Variants in ASS1 observed in about 807,000 individuals in gnomAD.
ASS1 encodes argininosuccinate synthase.
A neutral mutation model predicts 60.5 loss-of-function variants in ASS1; 58 were observed. That is an observed-to-expected ratio of 0.96 (90% CI 0.78 to 1.19). The LOEUF (loss-of-function observed/expected upper bound fraction) is 1.19. ASS1 is among the 50% of genes most tolerant of loss of function. The probability of loss-of-function intolerance (pLI) is 0.00; values close to 1 mark genes in which losing one functional copy is unlikely to be tolerated. For missense variants in ASS1, 454 were observed against 547.3 expected (o/e 0.83, Z 1.70); for synonymous variants, 200 against 206.9 (o/e 0.97, Z 0.29).
chr9:130,457,271 A>G (rs1213699816), intron 3 of ASS1, among the ~76,000 whole-genome samples: 1 of 152,082 alleles, frequency 6.6e-6, no homozygotes, highest in Admixed American at 6.6e-5. Flanking sequence ...GAAGTTTATG[A>G]AGAAAACTGG....
At chr9:130,466,355 G>A (rs1162477872) in intron 5 of ASS1, 2 of 331,542 alleles carry the variant, frequency 6.0e-6, no homozygotes, top group South Asian at 3.0e-5. Flanking sequence ...CAGCTCTGTG[G>A]ACTCTCCCTG....
At chr9:130,481,530 T>G (rs1846175714) in intron 11 of ASS1, among the ~76,000 whole-genome samples, 1 of 152,212 alleles carries the variant, frequency 6.6e-6, no homozygotes, top group Non-Finnish European at 1.5e-5. Flanking sequence ...TCACCCCATG[T>G]GGGCCAGAAG....
rs540416164 is a variant in ASS1, at chr9:130,477,468, C to T, written c.688+507C>T. On this transcript the variant is annotated intron_variant, in intron 9 of 14. Coordinates refer to ENST00000352480, the MANE Select transcript of ASS1 (RefSeq NM_054012.4). The surrounding 1 kb of genome is among the most constrained non-coding windows in gnomAD (Gnocchi z 4.2). ...GTCTTCATTGAGCCGCTCTGGGCCTCACCCTGCTGACCCCACGTTCAAAGC... is the reference window on the plus strand; with the variant it reads ...GTCTTCATTGAGCCGCTCTGGGCCTTACCCTGCTGACCCCACGTTCAAAGC... Among the ~76,000 whole-genome samples, 1 of 152,366 alleles carries T rather than the reference C, an allele frequency of 6.6e-6. No homozygotes were observed. The highest frequency in any genetic ancestry group is 1.9e-4 in the East Asian group (1 of 5,186).
intron 14 of ASS1, among the ~76,000 whole-genome samples, chr9:130,500,520 C>T (rs1846724881): frequency 6.6e-6 from 1 of 152,078 alleles, no homozygotes; most frequent in African/African-American, 2.4e-5. Context: ...ATCATTTTCT[C>T]CCAGAGCCAG....
chr9:130,497,751 A>G (rs1846640026), intron 13 of ASS1, among the ~76,000 whole-genome samples: 1 of 152,180 alleles, frequency 6.6e-6, no homozygotes, highest in South Asian at 2.1e-4. Flanking sequence ...ACAGATGGAC[A>G]CAGAGGTGGG....
chr9:130,474,325 G>A (rs901257411), intron 8 of ASS1, among the ~76,000 whole-genome samples: 3 of 152,096 alleles, frequency 2.0e-5, no homozygotes, highest in African/African-American at 4.8e-5. Flanking sequence ...GCAGAAACTC[G>A]TCCTCCAGTC....
chr9:130,498,835 A>G (rs1398786041), intron 13 of ASS1, among the ~76,000 whole-genome samples: 2 of 152,134 alleles, frequency 1.3e-5, no homozygotes, highest in Non-Finnish European at 2.9e-5. Context: ...AAGGGTGGAG[A>G]GCCCCAAAGC....
At chr9:130,466,343 G>A (rs891990520) in intron 5 of ASS1, 2 of 300,322 alleles carry the variant, frequency 6.7e-6, no homozygotes, top group Non-Finnish European at 1.3e-5. Flanking sequence ...GGCCAGCAGC[G>A]GCAGCTCTGT....
At chr9:130,499,480 T>C (rs1564165407) in intron 13 of ASS1, 25 bp from the exon 14 acceptor site, 1 of 1,611,642 alleles carries the variant, frequency 6.2e-7, no homozygotes, top group Non-Finnish European at 8.5e-7. Flanking sequence ...CAGGCTGAGC[T>C]GACAAGCTTC....
chr9:130,452,070 C>T (rs753503051), intron 1 of ASS1, 154 bp from the exon 2 acceptor site: 15 of 725,498 alleles, frequency 2.1e-5, no homozygotes, highest in South Asian at 7.4e-5. Context: ...GTGGCAGGCA[C>T]TGAAGGTGAA....
In ASS1 at chr9:130,489,409, A is replaced by G; in HGVS notation, c.915A>G (p.Glu305=). 1.2e-6 allele frequency: 2 copies of G among 1,614,096 alleles called. No homozygotes were observed. Among genetic ancestry groups the G allele is most frequent in the Non-Finnish European group, 1.7e-6 (2 of 1,180,022 alleles). ...LDIEAFTMDR[E]VRKIKQGLGL... is the part of the protein sequence containing the mutation. ...TCGAGGCCTTCACCATGGACCGGGA[A>G]GTGCGCAAAATCAAACAAGGCCTGG... The change falls in exon 12 of 15, where the codon GAA becomes GAG. Residue 305 remains glutamate, a synonymous_variant. Coordinates refer to ENST00000352480, the MANE Select transcript of ASS1 (RefSeq NM_054012.4). This position sits in a 1 kb window ranked among gnomAD's most constrained non-coding sequence, Gnocchi z 4.1.
At chr9:130,468,356 CG>C (rs1564908396) in intron 6 of ASS1, among the ~76,000 whole-genome samples, 3 of 152,136 alleles carry the variant, frequency 2.0e-5, no homozygotes, top group African/African-American at 7.2e-5. Context: ...CCCAACCCAT[CG>C]TCCAACGGAA....
intron 1 of ASS1, among the ~76,000 whole-genome samples, chr9:130,448,142 G>A (rs544338890): frequency 4.0e-5 from 6 of 151,648 alleles, no homozygotes; most frequent in South Asian, 2.1e-4. Flanking sequence ...TTTTTGCCTC[G>A]GGCTGCAAAT....
At chr9:130,472,652 T>C (rs1016457244) in intron 8 of ASS1, among the ~76,000 whole-genome samples, 6 of 152,184 alleles carry the variant, frequency 3.9e-5, no homozygotes, top group African/African-American at 1.4e-4. Flanking sequence ...CCTTGCCCCC[T>C]GGGGGCTGAT....
intron 6 of ASS1, among the ~76,000 whole-genome samples, chr9:130,468,383 C>T (rs952577628): frequency 2.6e-5 from 4 of 151,710 alleles, no homozygotes; most frequent in Non-Finnish European, 5.9e-5. Context: ...CTCAGAACCA[C>T]CCCATCCTTG....
chr9:130,465,056 A>ATATATATATATATTTTTTTTTTTTTTT (rs1479147331), intron 5 of ASS1, among the ~76,000 whole-genome samples: 6 of 120,138 alleles, frequency 5.0e-5, no homozygotes, highest in African/African-American at 2.2e-4. Context: ...ATATATATAT[A>ATATATATATATATTTTTTTTTTTTTTT]TTTTTTTTTT....
chr9:130,457,854 C>T (rs1005213568), intron 3 of ASS1, among the ~76,000 whole-genome samples: 8 of 152,266 alleles, frequency 5.3e-5, no homozygotes, highest in East Asian at 3.9e-4. Context: ...TTTCACAGAA[C>T]GGTGCATCAG....
At chr9:130,472,521 C>A (rs866075031) in intron 8 of ASS1, among the ~76,000 whole-genome samples, 3 of 152,148 alleles carry the variant, frequency 2.0e-5, no homozygotes, top group Non-Finnish European at 4.4e-5. Flanking sequence ...AAACTGAGGC[C>A]CGGGCACCGG....
rs550759997 is a variant in ASS1 at position 130,491,100 on chromosome 9, CGA to C, written c.970+1640_970+1641del. Among the ~76,000 whole-genome samples the C allele has an allele frequency of 4.8e-3, 737 of 152,302 alleles. 6 individuals are homozygous for C. The highest frequency in any genetic ancestry group is 5.8e-3 in the Non-Finnish European group (395 of 68,034). On this transcript the variant is annotated intron_variant, in intron 12 of 14. Coordinates refer to ENST00000352480, the MANE Select transcript of ASS1 (RefSeq NM_054012.4). The surrounding 1 kb of genome is among the most constrained non-coding windows in gnomAD (Gnocchi z 5.3). ...ATCACTGTAACTCATCTCAGGATTT[CGA>C]GAGGGCTCGATGGTTATTGGCTGGC...
Sources: gnomAD v4.1 joint callset for allele counts (sites outside exome capture counted in the v4.1 genomes callset) on GRCh38, gnomAD v4.1.1 for gene constraint, Gnocchi (gnomAD v3.1) non-coding constraint, MANE v1.5 for transcripts, NCBI Gene and HGNC (gene_info 2026-07-23, HGNC 2026-07-21) for gene names.